SNX9: variants seen among roughly 807,000 people sequenced by gnomAD.
SNX9 encodes sorting nexin-9.
SNX9 carries 44 observed loss-of-function variants against 89.4 expected under a neutral mutation model. The observed-to-expected ratio is 0.49, with a 90% CI of 0.39 to 0.63. The LOEUF (loss-of-function observed/expected upper bound fraction) is 0.63, where lower values mean the gene tolerates loss of function less well. Among genes scored for constraint, SNX9 ranks in the 30% least tolerant of loss-of-function variants. The pLI is 0.00. For missense variants in SNX9, 578 were observed against 736.1 expected (o/e 0.79, Z 2.49); for synonymous variants, 236 against 247.8 (o/e 0.95, Z 0.45).
intron 9 of SNX9, among the ~76,000 whole-genome samples, chr6:157,917,831 TC>T (rs1372507851): frequency 6.6e-6 from 1 of 152,114 alleles, no homozygotes; most frequent in Non-Finnish European, 1.5e-5. Flanking sequence ...ATTTTTTCCC[TC>T]AAATATTTGC....
intron 17 of SNX9, among the ~76,000 whole-genome samples, chr6:157,942,089 A>G (rs1784047324): frequency 6.6e-6 from 1 of 152,240 alleles, no homozygotes; most frequent in Admixed American, 6.5e-5. Context: ...CAGAATAGAA[A>G]ACCATGTATT....
At chr6:157,841,745 A>G (rs532177612) in intron 1 of SNX9, among the ~76,000 whole-genome samples, 8 of 152,344 alleles carry the variant, frequency 5.3e-5, no homozygotes, top group African/African-American at 1.7e-4. Flanking sequence ...TGCTACGACA[A>G]GGTCCCACTT....
chr6:157,904,933 C>G (rs1783179771), intron 6 of SNX9, among the ~76,000 whole-genome samples: 1 of 152,226 alleles, frequency 6.6e-6, no homozygotes, highest in Non-Finnish European at 1.5e-5. Context: ...CTACCTGCGG[C>G]TGCAGGGAGT....
At position 157,823,495 on chromosome 6, in the gene SNX9, G is replaced by A; in HGVS notation, c.12+49G>A. 3 of 1,170,722 alleles carry A rather than the reference G, an allele frequency of 2.6e-6. No individual in the cohort carries two copies. The highest frequency in any genetic ancestry group is 3.2e-6 in the Non-Finnish European group (3 of 949,906). The allele number at this position is 1,170,722 out of a possible 1,614,324, so 72.5% of individuals were successfully genotyped here. A position where few individuals can be genotyped will look rare whatever the true frequency, so the allele number is the denominator to read the frequency against. The stretch of plus-strand genomic sequence containing the variant: ...GGGCCGGTCGCTCAGGCCCGGGGCG[G>A]CGCGGAGAGGGTCGGGGCCGGGGCC... On this transcript the variant is annotated intron_variant, in intron 1 of 17. Transcript: ENST00000392185. This position sits in a 1 kb window ranked among gnomAD's most constrained non-coding sequence, Gnocchi z 4.6.
intron 16 of SNX9, among the ~76,000 whole-genome samples, chr6:157,939,475 G>A (rs117960778): frequency 0.013 from 1,983 of 152,310 alleles, 27 homozygotes; most frequent in Middle Eastern, 0.051. Context: ...TTATGGAGGG[G>A]AGATTGGAAG....
At chr6:157,925,438 A>G (rs112682091) in intron 10 of SNX9, among the ~76,000 whole-genome samples, 2 of 152,040 alleles carry the variant, frequency 1.3e-5, no homozygotes, top group Non-Finnish European at 1.5e-5. Context: ...CATTTACTGA[A>G]GTTGAACCCT....
intron 2 of SNX9, among the ~76,000 whole-genome samples, chr6:157,869,200 C>T (rs1782337178): frequency 6.6e-6 from 1 of 152,218 alleles, no homozygotes; most frequent in African/African-American, 2.4e-5. Flanking sequence ...CCCCTCTCTG[C>T]CTCACGAGTG....
intron 1 of SNX9, among the ~76,000 whole-genome samples, chr6:157,861,850 A>C (rs553786261): frequency 3.2e-4 from 49 of 152,252 alleles, no homozygotes; most frequent in Non-Finnish European, 4.8e-4. Flanking sequence ...GTATGCCAGC[A>C]ACACCACTCT....
intron 1 of SNX9, among the ~76,000 whole-genome samples, chr6:157,826,354 G>C (rs1014605260): frequency 6.6e-6 from 1 of 151,818 alleles, no homozygotes; most frequent in Admixed American, 6.6e-5. Flanking sequence ...AAAAAAATTA[G>C]CTGGGCGTGG....
intron 1 of SNX9, among the ~76,000 whole-genome samples, chr6:157,845,092 C>G (rs1042137053): frequency 1.3e-5 from 2 of 149,748 alleles, no homozygotes; most frequent in African/African-American, 2.5e-5. Flanking sequence ...GCACCTGGCC[C>G]TTTCCCATTT....
intron 4 of SNX9, among the ~76,000 whole-genome samples, chr6:157,889,028 C>A (rs146301382): frequency 6.6e-6 from 1 of 152,116 alleles, no homozygotes. Flanking sequence ...AGGAAAGAAA[C>A]GAAGAGGCAT....
At chr6:157,880,416 G>A (rs543564897) in intron 4 of SNX9, among the ~76,000 whole-genome samples, 20 of 151,158 alleles carry the variant, frequency 1.3e-4, no homozygotes, top group Non-Finnish European at 2.2e-4. Context: ...CCCTTATAAA[G>A]TGTCTCTCTA....
chr6:157,859,419 G>A lies in SNX9; in HGVS notation c.13-8128G>A, dbSNP rs572381713. 2.0e-5 allele frequency among the ~76,000 whole-genome samples: 3 copies of A among 152,186 alleles called. No homozygotes were observed. In the South Asian group the frequency reaches 6.2e-4, roughly 32 times the overall value. ...CATTCCATGTCTGAGTATATAGATT[G>A]TTCTCATTCTCTTGTTGCTGTATAA... is the stretch of plus-strand genomic sequence containing the variant. On this transcript the variant is annotated intron_variant, in intron 1 of 17. Transcript: ENST00000392185.
intron 10 of SNX9, 92 bp from the exon 11 acceptor site, chr6:157,927,019 A>C: frequency 1.1e-6 from 1 of 904,578 alleles, no homozygotes. Context: ...TTAGAAAGAT[A>C]AAGGTGATAA....
chr6:157,935,582 G>A (rs1323429718), intron 13 of SNX9, among the ~76,000 whole-genome samples: 1 of 152,194 alleles, frequency 6.6e-6, no homozygotes, highest in Non-Finnish European at 1.5e-5. Context: ...CATCAGTTCT[G>A]TGCCGTATGG....
intron 9 of SNX9, among the ~76,000 whole-genome samples, chr6:157,914,469 C>CTTTTTTT (rs34419515): frequency 0.024 from 1,783 of 74,810 alleles, 7 homozygotes; most frequent in Middle Eastern, 0.043. Flanking sequence ...TTTTCTTTTT[C>CTTTTTTT]TTTTTTTTTT....
Position 157,928,698 on chromosome 6 carries a change from G to C in SNX9, c.1284G>C (p.Thr428=), listed in dbSNP as rs370256213. 9.4e-6 allele frequency: 15 copies of C among 1,594,592 alleles called. No individual in the cohort carries two copies. The African/African-American group carries it at 2.0e-4, about 22-fold the overall frequency. Residue 428 remains threonine (T), a synonymous_variant, in exon 12 of 18, where the codon ACG becomes ACC. Coordinates refer to ENST00000392185, the MANE Select transcript of SNX9 (RefSeq NM_016224.5). ...TVGQEHWKRC[T]GPLPKEYQKI... ...GGCAGGAGCACTGGAAGCGCTGCAC[G>C]GGCCGTAAGTCCACTCCTCACAGTG... is the stretch of plus-strand genomic sequence containing the variant.
intron 10 of SNX9, among the ~76,000 whole-genome samples, chr6:157,924,030 T>C (rs1296712828): frequency 6.6e-6 from 1 of 152,116 alleles, no homozygotes; most frequent in Non-Finnish European, 1.5e-5. Context: ...AAACCCTGTC[T>C]CTACTAAAAA....
intron 1 of SNX9, among the ~76,000 whole-genome samples, chr6:157,856,944 CTAT>C (rs1782025828): frequency 6.6e-6 from 1 of 151,888 alleles, no homozygotes; most frequent in Admixed American, 6.6e-5. Flanking sequence ...TGATCTCATT[CTAT>C]TATTCCTTCA....
Sources: allele counts gnomAD v4.1 joint callset (sites outside exome capture counted in the v4.1 genomes callset), GRCh38; gene constraint gnomAD v4.1.1; non-coding constraint Gnocchi (gnomAD v3.1); transcripts MANE v1.5; gene names NCBI Gene and HGNC (gene_info 2026-07-23, HGNC 2026-07-21).